Variants in JAZF1 observed in about 807,000 individuals in gnomAD.
JAZF1 encodes the protein juxtaposed with another zinc finger protein 1.
Under a neutral mutation model 26.4 loss-of-function variants are expected in JAZF1, and 8 were observed. The ratio of observed to expected loss-of-function variants is 0.30; its 90% CI spans 0.18 to 0.55. The LOEUF is 0.55. Among genes scored for constraint, JAZF1 ranks in the 20% least tolerant of loss-of-function variants. The probability of loss-of-function intolerance (pLI) is 0.94; values close to 1 mark genes in which losing one functional copy is unlikely to be tolerated. For missense variants in JAZF1, 199 were observed against 322.0 expected (o/e 0.62, Z 2.92); for synonymous variants, 126 against 122.3 (o/e 1.03, Z -0.20).
Position 28,020,464 on chromosome 7 carries a change from TCTC to T in JAZF1, c.116-28486_116-28484del, listed in dbSNP as rs1782984754. The T allele has an allele frequency of 2.9e-5, 12 of 407,594 alleles. No individual in the cohort carries two copies. In the East Asian group the frequency reaches 4.4e-4, roughly 15 times the overall value. The allele number at this position is 407,594 out of a possible 1,614,324, so 25.2% of individuals were successfully genotyped here. ...GAGAGCCAGCGCCTCCACGGTGCCTTCTCCTCCTGGAAGCAGGAGTTGAAGCCT... is the reference window on the plus strand; with the variant it reads ...GAGAGCCAGCGCCTCCACGGTGCCTTCTCCTGGAAGCAGGAGTTGAAGCCT... On this transcript the variant is annotated intron_variant, in intron 1 of 4. Coordinates refer to ENST00000283928, the MANE Select transcript of JAZF1 (RefSeq NM_175061.4).
intron 1 of JAZF1, among the ~76,000 whole-genome samples, chr7:28,074,641 G>A (rs1400047169): frequency 6.6e-6 from 1 of 152,132 alleles, no homozygotes; most frequent in Non-Finnish European, 1.5e-5. Context: ...CTACTTAGCA[G>A]GAGTAAGTTT....
chr7:28,061,574 T>C (rs1176428434), intron 1 of JAZF1, among the ~76,000 whole-genome samples: 2 of 152,202 alleles, frequency 1.3e-5, no homozygotes, highest in Non-Finnish European at 2.9e-5. Context: ...GGGATTCAGC[T>C]GTTGCCATCA....
At chr7:27,849,773 A>ACACACACACACACACACACC (rs1187295731) in intron 3 of JAZF1, among the ~76,000 whole-genome samples, 22 of 114,054 alleles carry the variant, frequency 1.9e-4, no homozygotes, top group Non-Finnish European at 3.1e-4. Context: ...ACACACACAC[A>ACACACACACACACACACACC]CCCCTACACC....
chr7:28,177,565 C>T (rs1430352960), intron 1 of JAZF1, among the ~76,000 whole-genome samples: 2 of 152,106 alleles, frequency 1.3e-5, no homozygotes, highest in Admixed American at 6.5e-5. Flanking sequence ...CAGATAGGCC[C>T]CCAAAATGGA....
intron 3 of JAZF1, among the ~76,000 whole-genome samples, chr7:27,869,419 G>A (rs1270733421): frequency 2.0e-5 from 3 of 152,164 alleles, no homozygotes; most frequent in East Asian, 3.9e-4. Context: ...TAATAAATGT[G>A]GACAGACTAG....
intron 1 of JAZF1, among the ~76,000 whole-genome samples, chr7:28,094,640 C>T (rs1026925368): frequency 3.9e-5 from 6 of 152,216 alleles, no homozygotes; most frequent in Non-Finnish European, 7.3e-5. Context: ...AGGCACCCAG[C>T]ACTTGAAATT....
chr7:28,142,408 A>G (rs1782971427), intron 1 of JAZF1, among the ~76,000 whole-genome samples: 1 of 152,258 alleles, frequency 6.6e-6, no homozygotes, highest in Non-Finnish European at 1.5e-5. Context: ...CCAGGTGAGC[A>G]GTAACATATT....
At chr7:28,175,503 C>T (rs897505272) in intron 1 of JAZF1, among the ~76,000 whole-genome samples, 13 of 152,192 alleles carry the variant, frequency 8.5e-5, no homozygotes, top group African/African-American at 2.4e-4. Context: ...CTAACCACTC[C>T]GTGAGATGGA....
chr7:28,157,574 C>A (rs1205377611), intron 1 of JAZF1, among the ~76,000 whole-genome samples: 1 of 152,192 alleles, frequency 6.6e-6, no homozygotes, highest in African/African-American at 2.4e-5. Flanking sequence ...CAGGCCAAAT[C>A]TGTCCCAAGG....
intron 1 of JAZF1, among the ~76,000 whole-genome samples, chr7:28,082,261 G>A (rs1228724465): frequency 1.3e-5 from 2 of 152,214 alleles, no homozygotes; most frequent in South Asian, 4.2e-4. Flanking sequence ...GTGGGGAGGC[G>A]AGGATGTCAC....
At chr7:27,989,041 C>T (rs1011018985) in intron 2 of JAZF1, among the ~76,000 whole-genome samples, 1 of 150,580 alleles carries the variant, frequency 6.6e-6, no homozygotes, top group African/African-American at 2.4e-5. Flanking sequence ...TCAAACTATA[C>T]TACAAGGCTA....
At chr7:28,011,241 T>C (rs928425180) in intron 1 of JAZF1, among the ~76,000 whole-genome samples, 1 of 152,206 alleles carries the variant, frequency 6.6e-6, no homozygotes. Flanking sequence ...GATTTCTCCT[T>C]TTCATAAGTA....
chr7:28,150,088 C>T (rs1280001554), intron 1 of JAZF1, among the ~76,000 whole-genome samples: 1 of 152,200 alleles, frequency 6.6e-6, no homozygotes, highest in African/African-American at 2.4e-5. Flanking sequence ...CTAGGGGAGG[C>T]AGTCAGAGGA....
At chr7:27,992,733 T>C (rs1188130472) in intron 1 of JAZF1, among the ~76,000 whole-genome samples, 2 of 152,218 alleles carry the variant, frequency 1.3e-5, no homozygotes, top group African/African-American at 4.8e-5. Context: ...GTTTATGTAA[T>C]AAGGACATAT....
chr7:27,910,870 A>C (rs1337564476), intron 2 of JAZF1, among the ~76,000 whole-genome samples: 1 of 152,116 alleles, frequency 6.6e-6, no homozygotes. Context: ...CCCCACCCCA[A>C]GTATCCACTG....
intron 2 of JAZF1, among the ~76,000 whole-genome samples, chr7:27,961,435 T>C (rs1392765998): frequency 2.0e-5 from 3 of 152,214 alleles, no homozygotes; most frequent in African/African-American, 7.2e-5. Flanking sequence ...GGCTGGTGTG[T>C]GGGTGAGTGG....
At chr7:27,954,353 C>G (rs980147815) in intron 2 of JAZF1, among the ~76,000 whole-genome samples, 1 of 152,176 alleles carries the variant, frequency 6.6e-6, no homozygotes, top group East Asian at 1.9e-4. Flanking sequence ...CAGTGCCTGC[C>G]GTCATCTGCA....
At chr7:28,102,594 T>G (rs28576490) in intron 1 of JAZF1, among the ~76,000 whole-genome samples, 1 of 89,718 alleles carries the variant, frequency 1.1e-5, no homozygotes, top group Non-Finnish European at 2.3e-5. Flanking sequence ...CAAATTCATT[T>G]TTTGAAAAAA....
At chr7:27,892,929 A>G (rs1783996905) in intron 3 of JAZF1, among the ~76,000 whole-genome samples, 3 of 152,242 alleles carry the variant, frequency 2.0e-5, no homozygotes, top group Non-Finnish European at 4.4e-5. Context: ...TATAATGGGT[A>G]TTAGTGACTT....
Sources: gnomAD v4.1 joint callset for allele counts (sites outside exome capture counted in the v4.1 genomes callset) on GRCh38, gnomAD v4.1.1 for gene constraint, MANE v1.5 for transcripts, NCBI Gene and HGNC (gene_info 2026-07-23, HGNC 2026-07-21) for gene names.